MR1: variants seen among roughly 807,000 people sequenced by gnomAD.
MR1 encodes major histocompatibility complex, class I-related.
MR1 carries 44 observed loss-of-function variants against 37.8 expected under a neutral mutation model. The observed-to-expected ratio is 1.16, with a 90% CI of 0.91 to 1.50. MR1 has a LOEUF of 1.50. MR1 is among the 40% of genes most tolerant of loss of function. MR1 has a pLI of 0.00. For synonymous variants in MR1, 153 were observed against 155.8 expected (o/e 0.98, Z 0.13); for missense variants, 386 against 419.1 (o/e 0.92, Z 0.69).
Position 181,053,576 on chromosome 1 carries a change from C to A in MR1, c.884C>A (p.Ser295Ter), listed in dbSNP as rs1464079133. 1 of 1,611,964 alleles carries A rather than the reference C, an allele frequency of 6.2e-7. No homozygotes were observed. Among genetic ancestry groups the A allele is most frequent in the Non-Finnish European group, 8.5e-7 (1 of 1,178,240 alleles). The change falls in exon 5 of 6, where the codon TCA (serine) becomes TAA (stop). Residue 295 changes from serine (S) to a stop codon, truncating the protein, a stop_gained. Coordinates refer to ENST00000367580, the MANE Select transcript of MR1 (RefSeq NM_001385161.1). LOFTEE classifies it high-confidence loss of function. The part of the protein sequence containing the change: ...VHMVLQVPQE[S>*]ETIPLVMKAV... ...TTTCTCATTTGCTTGCTTTCAGAAT[C>A]AGAAACTATCCCTCTTGTGATGAAA...
chr1:181,039,585 G>T (rs1352281765), intron 1 of MR1, among the ~76,000 whole-genome samples: 3 of 152,172 alleles, frequency 2.0e-5, no homozygotes, highest in Non-Finnish European at 4.4e-5. Context: ...CCCCCATGAG[G>T]CCGGGCGCGG....
intron 4 of MR1, 98 bp from the exon 5 acceptor site, chr1:181,053,475 T>G: frequency 2.6e-6 from 2 of 783,792 alleles, no homozygotes; most frequent in Admixed American, 2.0e-5. Flanking sequence ...AGGAAAATGG[T>G]GTTGGGTTTC....
At chr1:181,050,307 T>C (rs1188788712) in intron 3 of MR1, 21 bp downstream of exon 3, 1 of 1,613,790 alleles carries the variant, frequency 6.2e-7, no homozygotes, top group Non-Finnish European at 8.5e-7. Context: ...AGAGAAGGCC[T>C]CATTCCCACA....
rs56248336 is a variant in MR1, at chr1:181,041,081, C to CAATAAATA, written c.67+7042_67+7049dup. Reference sequence around the variant, plus strand: ...CGGGTGACAGAGTGAGACTCTGTCTCAATAAATAAATAAATAAATAAATAA... The same window carrying CAATAAATA: ...CGGGTGACAGAGTGAGACTCTGTCTCAATAAATAAATAAATAAATAAATAAATAAATAA... On this transcript the variant is annotated intron_variant, in intron 1 of 5. Coordinates refer to ENST00000367580, the MANE Select transcript of MR1 (RefSeq NM_001385161.1). 5.0e-3 allele frequency among the ~76,000 whole-genome samples: 733 copies of CAATAAATA among 146,574 alleles called. 3 individuals are homozygous for CAATAAATA. The highest frequency in any genetic ancestry group is 6.4e-3 in the Non-Finnish European group (426 of 66,644).
At chr1:181,049,388 A>T (rs1286760940) in intron 2 of MR1, 76 bp downstream of exon 2, 1 of 1,498,906 alleles carries the variant, frequency 6.7e-7, no homozygotes, top group Non-Finnish European at 8.9e-7. Flanking sequence ...GCCTCCAATA[A>T]GCGGATGCTG....
intron 1 of MR1, chr1:181,036,905 T>C (rs146005267): frequency 2.0e-5 from 3 of 152,228 alleles, no homozygotes; most frequent in African/African-American, 7.2e-5. Flanking sequence ...TAATAACGAC[T>C]GCAAATTCAA....
At chr1:181,033,862 A>C, upstream of MR1, 1 of 625,260 alleles carries the variant, frequency 1.6e-6, no homozygotes, top group African/African-American at 1.9e-5. Flanking sequence ...TCATGCTTTC[A>C]TTTTATCTTT....
intron 1 of MR1, among the ~76,000 whole-genome samples, chr1:181,045,934 G>A (rs965738936): frequency 2.0e-5 from 3 of 152,350 alleles, no homozygotes; most frequent in African/African-American, 4.8e-5. Flanking sequence ...GGGGGCAGCC[G>A]GCCCTGCCGG....
At chr1:181,047,818 T>C (rs1657992991) in intron 1 of MR1, among the ~76,000 whole-genome samples, 1 of 151,442 alleles carries the variant, frequency 6.6e-6, no homozygotes, top group Non-Finnish European at 1.5e-5. Context: ...GAGAATCACT[T>C]GAACCCAGAA....
chr1:181,053,381 CA>C (rs35459172), intron 4 of MR1, among the ~76,000 whole-genome samples, 191 bp from the exon 5 acceptor site: 55,011 of 127,984 alleles, frequency 0.43, 11,552 homozygotes, highest in East Asian at 0.74. Flanking sequence ...GACGCTGTCT[CA>C]AAAAAAAAAA....
intron 3 of MR1, among the ~76,000 whole-genome samples, chr1:181,051,481 G>A (rs1274482610): frequency 1.3e-5 from 2 of 152,126 alleles, no homozygotes; most frequent in Non-Finnish European, 2.9e-5. Flanking sequence ...CCGATGATAA[G>A]GTGGGGGTCA....
At position 181,055,742 on chromosome 1, in the gene MR1, G is replaced by A. The variant is rs1194670247; in HGVS notation, c.*477G>A. On this transcript the variant is annotated 3_prime_UTR_variant, in exon 6 of 6. Coordinates refer to ENST00000367580, the MANE Select transcript of MR1 (RefSeq NM_001385161.1). ...TTTCATGGGAACATTTATTGTACAAGCGCTTTGAATATCATGGGCACCATG... is the reference window on the plus strand; with the variant it reads ...TTTCATGGGAACATTTATTGTACAAACGCTTTGAATATCATGGGCACCATG... 1 of 166,440 alleles carries A rather than the reference G, an allele frequency of 6.0e-6. No homozygotes were observed. The highest frequency in any genetic ancestry group is 1.3e-5 in the Non-Finnish European group (1 of 76,634). 10.3% of individuals were successfully genotyped at this position (166,440 alleles called of 1,614,324 possible). A position where few individuals can be genotyped will look rare whatever the true frequency, so the allele number is the denominator to read the frequency against.
chr1:181,049,210 C>T lies in MR1; in HGVS notation c.226C>T (p.Leu76Phe). 1 of 1,614,202 alleles carries T rather than the reference C, an allele frequency of 6.2e-7. No homozygotes were observed. Among genetic ancestry groups the T allele is most frequent in the Non-Finnish European group, 8.5e-7 (1 of 1,180,040 alleles). Residue 76 changes from leucine to phenylalanine, a missense_variant, in exon 2 of 6, where the codon CTC (leucine) becomes TTC (phenylalanine). Physicochemically the swap from Leu to Phe is conservative, Grantham distance 22. Transcript: ENST00000367580. ...ACGGGCCCCATGGATGGCAGAGAACCTCGCGCCTGATCACTGGGAGAGGTA... is the reference window on the plus strand; with the variant it reads ...ACGGGCCCCATGGATGGCAGAGAACTTCGCGCCTGATCACTGGGAGAGGTA... ...EPRAPWMAEN[L>F]APDHWERYTQ...
Position 181,061,895 on chromosome 1 carries a change from T to C in MR1, c.*6630T>C, listed in dbSNP as rs1289185793. ...GTCTGAATTCTTCAAAGGTTTCAGC[T>C]GTATTAACATTCTCCATCTAATAAA... On this transcript the variant is annotated 3_prime_UTR_variant, in exon 6 of 6. Transcript: ENST00000367580. 1.3e-5 allele frequency: 2 copies of C among 152,208 alleles called. No homozygotes were observed. The highest frequency in any genetic ancestry group is 2.9e-5 in the Non-Finnish European group (2 of 68,026). The allele number at this position is 152,208 out of a possible 1,614,324, so 9.4% of individuals were successfully genotyped here.
At chr1:181,047,318 C>T (rs1470597644) in intron 1 of MR1, among the ~76,000 whole-genome samples, 3 of 152,022 alleles carry the variant, frequency 2.0e-5, no homozygotes, top group Non-Finnish European at 4.4e-5. Context: ...AAAAAAATTT[C>T]GGCCGGCCAT....
chr1:181,050,358 A>G, intron 3 of MR1, 72 bp downstream of exon 3: 4 of 1,579,406 alleles, frequency 2.5e-6, no homozygotes, highest in Non-Finnish European at 2.6e-6. Context: ...CTTTTAATCT[A>G]GGTTATATCC....
chr1:181,048,457 C>T (rs1011389321), intron 1 of MR1, among the ~76,000 whole-genome samples: 3 of 151,788 alleles, frequency 2.0e-5, no homozygotes, highest in Non-Finnish European at 2.9e-5. Context: ...ATCACTTGAA[C>T]CCAGGAGGCG....
intron 1 of MR1, among the ~76,000 whole-genome samples, chr1:181,046,703 C>T (rs1021089441): frequency 6.6e-5 from 10 of 152,110 alleles, no homozygotes; most frequent in East Asian, 5.8e-4. Flanking sequence ...TTTGTTGTTT[C>T]GCTCTTTGCA....
At position 181,044,387 on chromosome 1, in the gene MR1, G is replaced by A. The variant is rs932576732; in HGVS notation, c.68-4665G>A. Among the ~76,000 whole-genome samples the A allele has an allele frequency of 5.3e-5, 8 of 152,328 alleles. No homozygotes were observed. In the South Asian group the frequency reaches 1.7e-3, roughly 32 times the overall value. Reference sequence around the variant, plus strand: ...CAGGTTAGAAGATCTGAATGTAGGGGAGGTCCTAAAGGTGATGGCAGCAGC... The same window carrying A: ...CAGGTTAGAAGATCTGAATGTAGGGAAGGTCCTAAAGGTGATGGCAGCAGC... On this transcript the variant is annotated intron_variant, in intron 1 of 5. Coordinates refer to ENST00000367580, the MANE Select transcript of MR1 (RefSeq NM_001385161.1).
Sources: allele counts gnomAD v4.1 joint callset (sites outside exome capture counted in the v4.1 genomes callset), GRCh38; gene constraint gnomAD v4.1.1; transcripts MANE v1.5; gene names NCBI Gene and HGNC (gene_info 2026-07-23, HGNC 2026-07-21).